MDFIC: variants seen among roughly 807,000 people sequenced by gnomAD.
MDFIC encodes MyoD family inhibitor domain containing.
A neutral mutation model predicts 23.2 loss-of-function variants in MDFIC; 17 were observed. The observed-to-expected ratio is 0.73, with a 90% CI of 0.50 to 1.10. MDFIC has a LOEUF of 1.10. Ranked by LOEUF, MDFIC falls within the 50% of genes least tolerant of loss-of-function variation. MDFIC has a pLI of 0.00. For missense variants in MDFIC, 356 were observed against 316.6 expected (o/e 1.12, Z -0.95); for synonymous variants, 120 against 115.2 (o/e 1.04, Z -0.27).
chr7:114,942,427 AT>A, intron 3 of MDFIC, 30 bp downstream of exon 3: 1 of 1,537,670 alleles, frequency 6.5e-7, no homozygotes, highest in Non-Finnish European at 8.8e-7. Flanking sequence ...ACTTTGAGTG[AT>A]TTTGGGATAT....
At chr7:114,932,513 A>C (rs565870848) in intron 2 of MDFIC, among the ~76,000 whole-genome samples, 20 of 152,364 alleles carry the variant, frequency 1.3e-4, no homozygotes, top group African/African-American at 4.8e-4. Flanking sequence ...ATTTTGGGAA[A>C]TGTTGAGTCT....
chr7:115,012,120 C>G (rs993142329), intron 4 of MDFIC, among the ~76,000 whole-genome samples: 15 of 152,164 alleles, frequency 9.9e-5, no homozygotes, highest in African/African-American at 3.4e-4. Context: ...ACTTATCTCC[C>G]TTTTGTTAGT....
chr7:114,997,556 T>C (rs953229668), intron 4 of MDFIC, among the ~76,000 whole-genome samples: 1 of 144,342 alleles, frequency 6.9e-6, no homozygotes, highest in African/African-American at 2.6e-5. Context: ...TTGAGACCAG[T>C]CTGGACCTCA....
At chr7:115,015,503 C>G (rs1296974260) in intron 4 of MDFIC, among the ~76,000 whole-genome samples, 185 bp from the exon 5 acceptor site, 1 of 151,976 alleles carries the variant, frequency 6.6e-6, no homozygotes, top group East Asian at 1.9e-4. Context: ...GTATCTACTT[C>G]TAAAGATCAC....
At chr7:114,990,139 T>C (rs959039538) in intron 4 of MDFIC, among the ~76,000 whole-genome samples, 3 of 152,174 alleles carry the variant, frequency 2.0e-5, no homozygotes, top group Non-Finnish European at 4.4e-5. Context: ...TTTAGTATGC[T>C]CTACTCATCA....
intron 4 of MDFIC, among the ~76,000 whole-genome samples, chr7:115,003,339 T>C (rs556897165): frequency 6.6e-6 from 1 of 152,320 alleles, no homozygotes; most frequent in East Asian, 1.9e-4. Context: ...GATCATGGTC[T>C]GCAGCTGCCT....
chr7:114,991,592 T>C (rs894486166), intron 4 of MDFIC, among the ~76,000 whole-genome samples: 2 of 152,204 alleles, frequency 1.3e-5, no homozygotes, highest in Admixed American at 6.5e-5. Flanking sequence ...CCCAGCACCA[T>C]GTATTAAATA....
intron 3 of MDFIC, among the ~76,000 whole-genome samples, chr7:114,952,548 T>C (rs2115819144): frequency 6.6e-6 from 1 of 152,286 alleles, no homozygotes; most frequent in Non-Finnish European, 1.5e-5. Flanking sequence ...GGAAATCTCT[T>C]CTAAAACACA....
intron 3 of MDFIC, among the ~76,000 whole-genome samples, chr7:114,974,692 T>C (rs1793273460): frequency 6.6e-6 from 1 of 152,154 alleles, no homozygotes; most frequent in Non-Finnish European, 1.5e-5. Flanking sequence ...TAGTTATTAC[T>C]AGCTACAATA....
intron 3 of MDFIC, among the ~76,000 whole-genome samples, chr7:114,963,406 T>C (rs1793032364): frequency 6.6e-6 from 1 of 152,188 alleles, no homozygotes; most frequent in Admixed American, 6.5e-5. Flanking sequence ...TTGCAGGTGT[T>C]GTTAGTCTGG....
intron 2 of MDFIC, among the ~76,000 whole-genome samples, chr7:114,934,153 A>T (rs1450672213): frequency 6.6e-6 from 1 of 152,212 alleles, no homozygotes; most frequent in Non-Finnish European, 1.5e-5. Flanking sequence ...GGCTGAATAA[A>T]CATAGCTGAA....
In MDFIC at chr7:115,013,656, T is replaced by A. The variant is rs184622453; in HGVS notation, c.494-2032T>A. ...CTGGCTTGCTGCCAGTTAAACACTA[T>A]CTTCTAAGTAATAATGAAGCTGGCT... On this transcript the variant is annotated intron_variant, in intron 4 of 4. Coordinates refer to ENST00000393486, the MANE Select transcript of MDFIC (RefSeq NM_001166345.3). Among the ~76,000 whole-genome samples the A allele has an allele frequency of 1.6e-4, 25 of 152,336 alleles. No individual in the cohort carries two copies. The South Asian group carries it at 1.9e-3, about 11-fold the overall frequency.
intron 3 of MDFIC, among the ~76,000 whole-genome samples, chr7:114,970,972 G>A (rs1793193791): frequency 1.3e-5 from 2 of 152,148 alleles, no homozygotes; most frequent in African/African-American, 4.8e-5. Flanking sequence ...CAGAGGAGAG[G>A]ACCTTTTTGA....
intron 4 of MDFIC, chr7:114,980,000 T>A: frequency 1.6e-6 from 1 of 607,340 alleles, no homozygotes; most frequent in South Asian, 1.7e-5. Context: ...TCTTCTAGAG[T>A]GAATAGTCAT....
At chr7:114,929,054 A>ACT (rs1792253673) in intron 2 of MDFIC, among the ~76,000 whole-genome samples, 3 of 96,650 alleles carry the variant, frequency 3.1e-5, no homozygotes, top group Admixed American at 1.0e-4. Context: ...TCTATAGATA[A>ACT]ATATAGATAT....
chr7:115,006,515 A>C (rs1481408285), intron 4 of MDFIC, among the ~76,000 whole-genome samples: 5 of 152,218 alleles, frequency 3.3e-5, no homozygotes, highest in Admixed American at 1.3e-4. Context: ...TTTTGTTAGC[A>C]AGACAAAACT....
intron 3 of MDFIC, among the ~76,000 whole-genome samples, chr7:114,953,812 A>G (rs1336231995): frequency 6.6e-6 from 1 of 152,214 alleles, no homozygotes; most frequent in African/African-American, 2.4e-5. Flanking sequence ...TTGTCTCTAC[A>G]TTACTTATAA....
chr7:114,928,357 G>A (rs1412423283), intron 2 of MDFIC, among the ~76,000 whole-genome samples: 1 of 152,148 alleles, frequency 6.6e-6, no homozygotes, highest in Non-Finnish European at 1.5e-5. Flanking sequence ...GCCTGTGGCT[G>A]GCATGTTAAG....
intron 4 of MDFIC, among the ~76,000 whole-genome samples, chr7:115,007,453 A>G (rs1321326095): frequency 6.6e-6 from 1 of 151,808 alleles, no homozygotes; most frequent in African/African-American, 2.4e-5. Context: ...TGCACCATTG[A>G]TATTTTCTAG....
Sources: allele counts gnomAD v4.1 joint callset (sites outside exome capture counted in the v4.1 genomes callset), GRCh38; gene constraint gnomAD v4.1.1; transcripts MANE v1.5; gene names NCBI Gene and HGNC (gene_info 2026-07-23, HGNC 2026-07-21).